Variants in PKP4 observed in about 807,000 individuals in gnomAD.
The protein encoded by PKP4 is plakophilin-4.
PKP4 carries 90 observed loss-of-function variants against 145.1 expected under a neutral mutation model. The observed-to-expected ratio is 0.62, with a 90% CI of 0.52 to 0.74. The LOEUF (loss-of-function observed/expected upper bound fraction) is 0.74, where lower values mean the gene tolerates loss of function less well. Ranked by LOEUF, PKP4 falls within the 30% of genes least tolerant of loss-of-function variation. The pLI is 0.00. For synonymous variants in PKP4, 563 were observed against 577.2 expected (o/e 0.98, Z 0.35); for missense variants, 1,340 against 1,482.7 (o/e 0.90, Z 1.58).
intron 1 of PKP4, among the ~76,000 whole-genome samples, chr2:158,464,884 A>T (rs1295432193): frequency 6.6e-6 from 1 of 152,238 alleles, no homozygotes; most frequent in Non-Finnish European, 1.5e-5. Context: ...TATTTGTTGG[A>T]GTCCTGCTGT....
At chr2:158,569,066 T>G (rs1356585598) in intron 2 of PKP4, among the ~76,000 whole-genome samples, 1 of 152,150 alleles carries the variant, frequency 6.6e-6, no homozygotes, top group Non-Finnish European at 1.5e-5. Flanking sequence ...TGGTTCCAAG[T>G]AAAAAGCTTT....
rs188163277 is a variant in PKP4, at chr2:158,560,107, T to C, written c.133-17164T>C. Among the ~76,000 whole-genome samples, 222 of 152,288 alleles carry C rather than the reference T, an allele frequency of 1.5e-3. 1 individual carries two copies. The highest frequency in any genetic ancestry group is 5.1e-3 in the African/African-American group (211 of 41,560). On this transcript the variant is annotated intron_variant, in intron 2 of 21. Coordinates refer to ENST00000389759, the MANE Select transcript of PKP4 (RefSeq NM_003628.6). ...GTCTTGAACTCCTGGCCTCAAGTGA[T>C]CTGCCCTCCTCAGCCTCCCAAAGTG...
chr2:158,554,209 TC>T lies in PKP4; in HGVS notation c.132+20894del, dbSNP rs1407344154. On this transcript the variant is annotated intron_variant, in intron 2 of 21. Transcript: ENST00000389759. ...GTAGCCTTCTGGCACTCACTGTCAT[TC>T]GCTGAAGATTCAGCTCATGGCCACC... Among the ~76,000 whole-genome samples, 11 of 150,168 alleles carry T rather than the reference TC, an allele frequency of 7.3e-5. No homozygotes were observed. In the South Asian group the frequency reaches 1.1e-3, roughly 15 times the overall value.
At chr2:158,560,043 T>C (rs1024200054) in intron 2 of PKP4, among the ~76,000 whole-genome samples, 2 of 152,098 alleles carry the variant, frequency 1.3e-5, no homozygotes, top group African/African-American at 4.8e-5. Flanking sequence ...ATTTTTGTAT[T>C]TTTAGTAGAG....
chr2:158,662,034 G>T (rs1235083351), intron 13 of PKP4, among the ~76,000 whole-genome samples: 6 of 152,144 alleles, frequency 3.9e-5, no homozygotes. Context: ...TCCTCCTGGG[G>T]GCCGAGGAAA....
chr2:158,549,672 A>C (rs1053092504), intron 2 of PKP4, among the ~76,000 whole-genome samples: 9 of 152,102 alleles, frequency 5.9e-5, no homozygotes, highest in African/African-American at 2.2e-4. Context: ...GATTGATTCA[A>C]CTGAATAGCC....
intron 2 of PKP4, among the ~76,000 whole-genome samples, chr2:158,567,111 G>C (rs1195261722): frequency 1.3e-5 from 2 of 152,136 alleles, no homozygotes; most frequent in East Asian, 3.8e-4. Flanking sequence ...AGTTTTCTGG[G>C]TTTGTTGTTG....
chr2:158,556,993 G>C (rs2046150450), intron 2 of PKP4, among the ~76,000 whole-genome samples: 1 of 152,052 alleles, frequency 6.6e-6, no homozygotes, highest in Non-Finnish European at 1.5e-5. Flanking sequence ...GAGTGATAAA[G>C]AGCATCAACT....
At chr2:158,492,349 A>AT (rs1388985443) in intron 1 of PKP4, among the ~76,000 whole-genome samples, 2 of 152,122 alleles carry the variant, frequency 1.3e-5, no homozygotes, top group African/African-American at 4.8e-5. Flanking sequence ...TGCGAAGTTA[A>AT]TTTTTTTTAG....
At chr2:158,461,069 A>G (rs1689689275) in intron 1 of PKP4, among the ~76,000 whole-genome samples, 2 of 152,252 alleles carry the variant, frequency 1.3e-5, no homozygotes, top group Non-Finnish European at 1.5e-5. Flanking sequence ...ATAAGAAATA[A>G]CAGGGTTATT....
At chr2:158,650,694 C>G (rs868268323) in intron 11 of PKP4, among the ~76,000 whole-genome samples, 55 of 152,326 alleles carry the variant, frequency 3.6e-4, no homozygotes, top group Middle Eastern at 6.8e-3. Context: ...CACCTGAGCA[C>G]CCACTTCCCA....
At chr2:158,528,636 TAA>T (rs70994211) in intron 1 of PKP4, among the ~76,000 whole-genome samples, 1 of 81,546 alleles carries the variant, frequency 1.2e-5, no homozygotes, top group Non-Finnish European at 2.3e-5. Flanking sequence ...TAAAGTATAA[TAA>T]AAAAAAAAAA....
rs770292096 is a variant in PKP4 at position 158,625,098 on chromosome 2, A to T, written c.824A>T (p.Tyr275Phe). 1 of 1,613,972 alleles carries T rather than the reference A, an allele frequency of 6.2e-7. No individual in the cohort carries two copies. Among genetic ancestry groups the T allele is most frequent in the Non-Finnish European group, 8.5e-7 (1 of 1,179,962 alleles). ...TLPAARAASP[Y>F]SQRPASPTAI... Reference sequence around the variant, plus strand: ...CCTGCTGCACGGGCAGCCTCTCCGTACTCACAGAGACCCGCCTCCCCAACA... The same window carrying T: ...CCTGCTGCACGGGCAGCCTCTCCGTTCTCACAGAGACCCGCCTCCCCAACA... The change falls in exon 7 of 22, where the codon TAC becomes TTC. Residue 275 changes from tyrosine to phenylalanine, a missense_variant. By Grantham distance (22) the Tyr-to-Phe change is conservative. Coordinates refer to ENST00000389759, the MANE Select transcript of PKP4 (RefSeq NM_003628.6).
At chr2:158,522,858 GA>G (rs972653066) in intron 1 of PKP4, among the ~76,000 whole-genome samples, 7 of 152,210 alleles carry the variant, frequency 4.6e-5, no homozygotes, top group African/African-American at 1.7e-4. Flanking sequence ...CCGAGTCAAA[GA>G]AAGGGGTGAC....
chr2:158,464,010 GACTT>G (rs1414249776), intron 1 of PKP4, among the ~76,000 whole-genome samples: 1 of 152,140 alleles, frequency 6.6e-6, no homozygotes, highest in African/African-American at 2.4e-5. Context: ...TGACTTCTGG[GACTT>G]ACTTGTCTAC....
chr2:158,598,289 G>C (rs1377507909), intron 3 of PKP4, among the ~76,000 whole-genome samples: 1 of 152,094 alleles, frequency 6.6e-6, no homozygotes, highest in Non-Finnish European at 1.5e-5. Flanking sequence ...GTGATAAAAT[G>C]AGCCCTACCT....
At chr2:158,564,515 GA>G (rs374456159) in intron 2 of PKP4, among the ~76,000 whole-genome samples, 73 of 152,274 alleles carry the variant, frequency 4.8e-4, no homozygotes, top group African/African-American at 1.7e-3. Flanking sequence ...TCCAAGTGGG[GA>G]TGGCAGGGCA....
chr2:158,498,146 A>G (rs74834740), intron 1 of PKP4, among the ~76,000 whole-genome samples: 16,874 of 152,130 alleles, frequency 0.11, 1,226 homozygotes, highest in Non-Finnish European at 0.15. Flanking sequence ...ACACATTTTT[A>G]TTTTTTGTTA....
At chr2:158,521,815 C>T (rs1233100976) in intron 1 of PKP4, among the ~76,000 whole-genome samples, 2 of 152,074 alleles carry the variant, frequency 1.3e-5, no homozygotes, top group African/African-American at 4.8e-5. Flanking sequence ...CTTATGTTTG[C>T]TATATGATGA....
Sources: allele counts gnomAD v4.1 joint callset (sites outside exome capture counted in the v4.1 genomes callset), GRCh38; gene constraint gnomAD v4.1.1; transcripts MANE v1.5; gene names NCBI Gene and HGNC (gene_info 2026-07-23, HGNC 2026-07-21).